Variants in DCAF13 observed in about 807,000 individuals in gnomAD.
DCAF13 encodes the protein DDB1 and CUL4 associated factor 13.
DCAF13 carries 38 observed loss-of-function variants against 59.0 expected under a neutral mutation model. That is an observed-to-expected ratio of 0.64 (90% CI 0.50 to 0.84). DCAF13 has a LOEUF of 0.84. DCAF13 is among the 40% of genes least tolerant of loss of function. The probability of loss-of-function intolerance (pLI) is 0.00; values close to 1 mark genes in which losing one functional copy is unlikely to be tolerated. For synonymous variants in DCAF13, 173 were observed against 175.0 expected (o/e 0.99, Z 0.09); for missense variants, 469 against 558.4 (o/e 0.84, Z 1.61).
At chr8:103,441,767 G>T in intron 10 of DCAF13, 149 bp downstream of exon 10, 2 of 751,978 alleles carry the variant, frequency 2.7e-6, no homozygotes, top group East Asian at 3.2e-5. Context: ...TCTACAGAAG[G>T]CCTTTTCTTT....
intron 5 of DCAF13, chr8:103,427,755 G>C (rs1169988599): frequency 6.5e-6 from 1 of 153,546 alleles, no homozygotes; most frequent in Non-Finnish European, 1.4e-5. Flanking sequence ...TTGCTCAGAA[G>C]TCTGAATTGT....
chr8:103,439,299 TTATTC>T (rs1816973552), intron 8 of DCAF13, among the ~76,000 whole-genome samples: 1 of 152,032 alleles, frequency 6.6e-6, no homozygotes, highest in Non-Finnish European at 1.5e-5. Flanking sequence ...CTCTATTAAA[TTATTC>T]TTACCTCAAC....
intron 8 of DCAF13, among the ~76,000 whole-genome samples, chr8:103,438,129 G>C (rs575561482): frequency 4.6e-5 from 7 of 152,240 alleles, no homozygotes; most frequent in African/African-American, 1.4e-4. Context: ...AACAGATTAT[G>C]TTTAATGGTT....
At chr8:103,434,453 C>T (rs1156865966) in intron 7 of DCAF13, among the ~76,000 whole-genome samples, 2 of 152,054 alleles carry the variant, frequency 1.3e-5, no homozygotes, top group African/African-American at 4.8e-5. Context: ...ACCAAGCAAA[C>T]CTAGCTGAAA....
At chr8:103,421,712 T>C (rs955987925) in intron 3 of DCAF13, among the ~76,000 whole-genome samples, 1 of 152,240 alleles carries the variant, frequency 6.6e-6, no homozygotes, top group Non-Finnish European at 1.5e-5. Context: ...CCATTTTGTG[T>C]ATGTGGAATA....
At position 103,426,832 on chromosome 8, in the gene DCAF13, TA is replaced by T. The variant is rs1271644348; in HGVS notation, c.469-264del. ...AGAAGACTAAATGTTCTTAAAGGGA[TA>T]GGGGAATGGGGTATGAGTATGAGGT... On this transcript the variant is annotated intron_variant, in intron 4 of 10. Coordinates refer to ENST00000612750, the MANE Select transcript of DCAF13 (RefSeq NM_015420.7). 7.2e-5 allele frequency among the ~76,000 whole-genome samples: 11 copies of T among 152,132 alleles called. 1 individual carries two copies. The highest frequency in any genetic ancestry group is 1.7e-4 in the African/African-American group (7 of 41,430).
chr8:103,438,776 T>C (rs966616202), intron 8 of DCAF13, among the ~76,000 whole-genome samples: 1 of 152,202 alleles, frequency 6.6e-6, no homozygotes, highest in Non-Finnish European at 1.5e-5. Flanking sequence ...CATAGTTTAT[T>C]GAGCCTGTTT....
chr8:103,433,709 A>G (rs1816896182), intron 7 of DCAF13, among the ~76,000 whole-genome samples: 1 of 151,976 alleles, frequency 6.6e-6, no homozygotes, highest in African/African-American at 2.4e-5. Context: ...AGTGAGTTGT[A>G]ATTGGGCCAC....
chr8:103,442,861 C>T lies in DCAF13; in HGVS notation c.1317C>T (p.His439=), dbSNP rs376213810. The change falls in exon 11 of 11, where the codon CAC becomes CAT. Residue 439 remains histidine (H), a synonymous_variant. Coordinates refer to ENST00000612750, the MANE Select transcript of DCAF13 (RefSeq NM_015420.7). The stretch of plus-strand genomic sequence containing the variant: ...CACTTGTGTCAGAGAAGAAGAAACA[C>T]GTAGTGGCAGTTGTAAAATAATTGG... ...SVPLVSEKKK[H]VVAVVK is the part of the protein sequence containing the mutation. The T allele has an allele frequency of 2.4e-5, 38 of 1,606,238 alleles. No individual in the cohort carries two copies. Among genetic ancestry groups the T allele is most frequent in the Non-Finnish European group, 2.7e-5 (32 of 1,176,990 alleles).
At position 103,427,116 on chromosome 8, in the gene DCAF13, A is replaced by T; in HGVS notation, c.488A>T (p.Asp163Val). The T allele has an allele frequency of 6.2e-7, 1 of 1,612,688 alleles. No individual in the cohort carries two copies. The highest frequency in any genetic ancestry group is 8.5e-7 in the Non-Finnish European group (1 of 1,179,540). The change falls in exon 5 of 11, where the codon GAT becomes GTT. Residue 163 changes from aspartate (D) to valine (V), a missense_variant. Asp to Val is a radical substitution (Grantham distance 152, BLOSUM62 -3). Coordinates refer to ENST00000612750, the MANE Select transcript of DCAF13 (RefSeq NM_015420.7). ...TTAAAGACAGTGTATACTGGGATTG[A>T]TCATCACTGGAAAGAAGCTGTTTTT... is the stretch of plus-strand genomic sequence containing the variant. ...ILGKTVYTGI[D>V]HHWKEAVFAT...
intron 8 of DCAF13, among the ~76,000 whole-genome samples, chr8:103,436,534 C>T (rs925961353): frequency 6.6e-6 from 1 of 151,718 alleles, no homozygotes. Flanking sequence ...ATAGTTTGGC[C>T]CTTTACTACA....
intron 1 of DCAF13, 28 bp from the exon 2 acceptor site, chr8:103,420,236 T>G: frequency 6.3e-7 from 1 of 1,593,022 alleles, no homozygotes; most frequent in Non-Finnish European, 8.6e-7. Context: ...TAAGTGTGAA[T>G]TATTAAGAAG....
chr8:103,424,634 G>A (rs888400637), intron 3 of DCAF13, among the ~76,000 whole-genome samples: 2 of 152,138 alleles, frequency 1.3e-5, no homozygotes, highest in African/African-American at 2.4e-5. Context: ...CTCAGTAGAC[G>A]GCAGAACAGC....
intron 8 of DCAF13, among the ~76,000 whole-genome samples, chr8:103,438,368 A>G (rs1385913580): frequency 6.6e-6 from 1 of 152,118 alleles, no homozygotes; most frequent in Non-Finnish European, 1.5e-5. Flanking sequence ...AGTGCTTAAA[A>G]CATACCTATC....
At chr8:103,426,012 A>G (rs745933652) in intron 3 of DCAF13, 44 bp from the exon 4 acceptor site, 6 of 1,354,298 alleles carry the variant, frequency 4.4e-6, no homozygotes, top group Non-Finnish European at 3.2e-6. Context: ...TTAATTTATA[A>G]CTGTTGTTCC....
At chr8:103,442,584 A>G (rs894213910) in intron 10 of DCAF13, 3 of 360,292 alleles carry the variant, frequency 8.3e-6, no homozygotes, top group Non-Finnish European at 1.5e-5. Context: ...TAAACTTAGT[A>G]AAGGACCCTA....
At chr8:103,428,681 A>G (rs1203971185) in intron 5 of DCAF13, 1 of 151,988 alleles carries the variant, frequency 6.6e-6, no homozygotes, top group African/African-American at 2.4e-5. Context: ...TGCTATCCAA[A>G]TTCAAGATGG....
intron 2 of DCAF13, 47 bp from the exon 3 acceptor site, chr8:103,420,928 T>G: frequency 1.5e-6 from 2 of 1,305,566 alleles, no homozygotes; most frequent in Non-Finnish European, 2.2e-6. Flanking sequence ...ATCCTGAACA[T>G]TTTACATTTA....
At chr8:103,423,831 A>C (rs1299955828) in intron 3 of DCAF13, among the ~76,000 whole-genome samples, 3 of 152,150 alleles carry the variant, frequency 2.0e-5, no homozygotes, top group Non-Finnish European at 4.4e-5. Context: ...GAAATGAATA[A>C]AGACTGAAAA....
Sources: allele counts gnomAD v4.1 joint callset (sites outside exome capture counted in the v4.1 genomes callset), GRCh38; gene constraint gnomAD v4.1.1; transcripts MANE v1.5; gene names NCBI Gene and HGNC (gene_info 2026-07-23, HGNC 2026-07-21).